The following ANO6 variants were observed in gnomAD, a reference collection of about 807,000 sequenced individuals.
The protein encoded by ANO6 is anoctamin 6, also known as anoctamin-6.
Under a neutral mutation model 117.5 loss-of-function variants are expected in ANO6, and 106 were observed. That is an observed-to-expected ratio of 0.90 (90% CI 0.77 to 1.06). The LOEUF is 1.06. Among genes scored for constraint, ANO6 ranks in the 50% least tolerant of loss-of-function variants. The probability of loss-of-function intolerance (pLI) is 0.00; values close to 1 mark genes in which losing one functional copy is unlikely to be tolerated. For synonymous variants in ANO6, 367 were observed against 385.1 expected, an observed-to-expected ratio of 0.95 and a Z score of 0.55; for missense variants, 955 against 1,121.1, an observed-to-expected ratio of 0.85 and a Z score of 2.12.
At chr12:45,422,362 CAG>C (rs1943387079) in intron 18 of ANO6, among the ~76,000 whole-genome samples, 1 of 151,962 alleles carries the variant, frequency 6.6e-6, no homozygotes, top group Non-Finnish European at 1.5e-5. Flanking sequence ...TTTGAGAAAA[CAG>C]GGATAAATGT....
intron 18 of ANO6, 79 bp from the exon 19 acceptor site, chr12:45,422,878 C>G: frequency 8.8e-7 from 1 of 1,130,764 alleles, no homozygotes; most frequent in Admixed American, 1.7e-5. Flanking sequence ...CCGGCATGAC[C>G]TCTTTTTAAA....
At chr12:45,406,926 A>G (rs1942949347) in intron 15 of ANO6, among the ~76,000 whole-genome samples, 1 of 152,244 alleles carries the variant, frequency 6.6e-6, no homozygotes, top group Admixed American at 6.5e-5. Context: ...ATAAGGACCT[A>G]GTAAAGCATA....
intron 19 of ANO6, among the ~76,000 whole-genome samples, chr12:45,427,036 A>G (rs530529072): frequency 4.0e-5 from 6 of 151,302 alleles, no homozygotes; most frequent in African/African-American, 1.5e-4. Context: ...CCAGCCCAAA[A>G]TCTCTCCCAT....
At chr12:45,373,661 A>G (rs1467965428) in intron 9 of ANO6, among the ~76,000 whole-genome samples, 1 of 152,216 alleles carries the variant, frequency 6.6e-6, no homozygotes, top group East Asian at 1.9e-4. Context: ...CTTTGAAACC[A>G]ATGAGAACAA....
chr12:45,273,780 C>A (rs1367060705), intron 1 of ANO6, among the ~76,000 whole-genome samples: 1 of 152,152 alleles, frequency 6.6e-6, no homozygotes, highest in East Asian at 1.9e-4. Flanking sequence ...CTGGGAGAAT[C>A]CTGAAGGAGG....
At chr12:45,315,968 T>C (rs1249708208) in intron 2 of ANO6, among the ~76,000 whole-genome samples, 1 of 152,078 alleles carries the variant, frequency 6.6e-6, no homozygotes, top group Non-Finnish European at 1.5e-5. Context: ...CTTTCTTCCC[T>C]GGACTCATAG....
chr12:45,440,255 T>C (rs1465045118), exon 20 of ANO6: 1 of 177,206 alleles, frequency 5.6e-6, no homozygotes, highest in African/African-American at 2.4e-5. Flanking sequence ...TTTTCTTTTT[T>C]TTGAGACAGA....
chr12:45,271,106 A>G (rs956923026), intron 1 of ANO6, among the ~76,000 whole-genome samples: 4 of 152,188 alleles, frequency 2.6e-5, no homozygotes, highest in African/African-American at 9.6e-5. Flanking sequence ...CCTGCCTTCC[A>G]GGAGAGAGAG....
chr12:45,254,960 CAT>C (rs1437511563), intron 1 of ANO6, among the ~76,000 whole-genome samples: 1 of 152,142 alleles, frequency 6.6e-6, no homozygotes, highest in African/African-American at 2.4e-5. Context: ...AATTTTAACT[CAT>C]ATATTTTATG....
rs745384181 is a variant in ANO6 at position 45,429,205 on chromosome 12, A to G, written c.2627A>G (p.Lys876Arg). 6.2e-7 allele frequency: 1 copy of G among 1,614,002 alleles called. No individual in the cohort carries two copies. Residue 876 changes from lysine to arginine, a missense_variant, in exon 20 of 20, where the codon AAG becomes AGG. Physicochemically the swap from Lys to Arg is conservative, Grantham distance 26. Coordinates refer to ENST00000320560, the MANE Select transcript of ANO6 (RefSeq NM_001025356.3). ...KIQREKYLTQ[K>R]LLHENHLKDM... ...CAGAGAGAAAAATACCTAACCCAAAAGCTTCTTCATGAGAATCACCTCAAA... is the reference window on the plus strand; with the variant it reads ...CAGAGAGAAAAATACCTAACCCAAAGGCTTCTTCATGAGAATCACCTCAAA...
At chr12:45,350,823 C>T (rs1380703409) in intron 7 of ANO6, 49 bp downstream of exon 7, 8 of 1,432,568 alleles carry the variant, frequency 5.6e-6, no homozygotes, top group Non-Finnish European at 7.8e-6. Flanking sequence ...AGGGTGTTAC[C>T]CCCACAGCAT....
At chr12:45,312,432 C>G (rs1243180536) in intron 2 of ANO6, among the ~76,000 whole-genome samples, 3 of 151,906 alleles carry the variant, frequency 2.0e-5, no homozygotes, top group Non-Finnish European at 2.9e-5. Context: ...CACAAGATTC[C>G]CAGAAAATTG....
intron 4 of ANO6, 96 bp downstream of exon 4, chr12:45,347,183 C>A: frequency 8.7e-7 from 1 of 1,146,320 alleles, no homozygotes; most frequent in Non-Finnish European, 1.3e-6. Flanking sequence ...AACATGCAGC[C>A]CTGGCCACAT....
At chr12:45,375,292 C>T (rs1239975474) in intron 9 of ANO6, among the ~76,000 whole-genome samples, 4 of 152,218 alleles carry the variant, frequency 2.6e-5, no homozygotes, top group South Asian at 2.1e-4. Context: ...AGGTAATTTG[C>T]AGATTCAATG....
intron 1 of ANO6, among the ~76,000 whole-genome samples, chr12:45,277,228 T>G (rs1482163241): frequency 6.6e-6 from 1 of 152,248 alleles, no homozygotes; most frequent in African/African-American, 2.4e-5. Context: ...ATTATAACTA[T>G]GTAATACTTT....
Position 45,375,437 on chromosome 12 carries a change from T to C in ANO6, c.1105-2616T>C, listed in dbSNP as rs1349598243. ...AAAGAACAAAGCTGGAGGCATCACA[T>C]TACCTGACTTCAAACTATACTACAA... On this transcript the variant is annotated intron_variant, in intron 9 of 19. Coordinates refer to ENST00000320560, the MANE Select transcript of ANO6 (RefSeq NM_001025356.3). Among the ~76,000 whole-genome samples, 374 of 149,126 alleles carry C rather than the reference T, an allele frequency of 2.5e-3. 2 individuals are homozygous for C. The highest frequency in any genetic ancestry group is 8.6e-3 in the African/African-American group (351 of 40,698).
In ANO6 at chr12:45,429,833, TTCAATACC is replaced by T. The variant is rs1943592607; in HGVS notation, c.*525_*532del. On this transcript the variant is annotated 3_prime_UTR_variant, in exon 20 of 20. Coordinates refer to ENST00000320560, the MANE Select transcript of ANO6 (RefSeq NM_001025356.3). ...AGGATTCACAATATTTAGGTGTATTTTCAATACCTCCAGAAAGGAAACCTCAGTTAATC... is the reference window on the plus strand; with the variant it reads ...AGGATTCACAATATTTAGGTGTATTTTCCAGAAAGGAAACCTCAGTTAATC... 8 of 990,948 alleles carry T rather than the reference TTCAATACC, an allele frequency of 8.1e-6. No homozygotes were observed. The South Asian group carries it at 3.2e-4, about 40-fold the overall frequency. 61.4% of individuals were successfully genotyped at this position (990,948 alleles called of 1,614,324 possible). A position where few individuals can be genotyped will look rare whatever the true frequency, so the allele number is the denominator to read the frequency against.
At chr12:45,229,151 G>T (rs1310817290) in intron 1 of ANO6, among the ~76,000 whole-genome samples, 2 of 152,124 alleles carry the variant, frequency 1.3e-5, no homozygotes, top group Non-Finnish European at 2.9e-5. Flanking sequence ...GAGATTAAAA[G>T]AAAAGGATAC....
intron 1 of ANO6, among the ~76,000 whole-genome samples, chr12:45,254,190 G>T (rs1937728980): frequency 6.6e-6 from 1 of 152,174 alleles, no homozygotes; most frequent in Admixed American, 6.5e-5. Context: ...CCATTCTTAC[G>T]AATGAGGAAG....
Sources: allele counts gnomAD v4.1 joint callset (sites outside exome capture counted in the v4.1 genomes callset), GRCh38; gene constraint gnomAD v4.1.1; transcripts MANE v1.5; gene names NCBI Gene and HGNC (gene_info 2026-07-23, HGNC 2026-07-21).